Variants in MLXIPL observed in about 807,000 individuals in gnomAD.
The protein encoded by MLXIPL is MLX interacting protein like.
A neutral mutation model predicts 81.5 loss-of-function variants in MLXIPL; 49 were observed. That is an observed-to-expected ratio of 0.60 (90% CI 0.48 to 0.76). MLXIPL has a LOEUF of 0.76. Ranked by LOEUF, MLXIPL falls within the 30% of genes least tolerant of loss-of-function variation. MLXIPL has a pLI of 0.00. For missense variants in MLXIPL, 1,053 were observed against 1,167.0 expected (o/e 0.90, Z 1.42); for synonymous variants, 466 against 485.5 (o/e 0.96, Z 0.53).
chr7:73,616,037 C>T, intron 2 of MLXIPL, 34 bp downstream of exon 2: 2 of 1,583,132 alleles, frequency 1.3e-6, no homozygotes, highest in East Asian at 2.2e-5. Context: ...GGGGCAGTCC[C>T]TCCCGGCTTG....
chr7:73,628,815 C>T (rs1796792694), upstream of MLXIPL, among the ~76,000 whole-genome samples: 1 of 152,172 alleles, frequency 6.6e-6, no homozygotes, highest in South Asian at 2.1e-4. Flanking sequence ...TGTTCATGGT[C>T]CATGGAGATG....
the MLXIPL span, among the ~76,000 whole-genome samples, chr7:73,641,877 G>A: frequency 1.3e-5 from 2 of 152,028 alleles, no homozygotes; most frequent in East Asian, 1.9e-4. Context: ...CTCATGATCC[G>A]CCCACCTCAG....
chr7:73,633,550 C>T, the MLXIPL span, among the ~76,000 whole-genome samples: 1 of 152,042 alleles, frequency 6.6e-6, no homozygotes, highest in African/African-American at 2.4e-5. Flanking sequence ...TTGACCTGGG[C>T]TCCAGCCATC....
At position 73,616,267 on chromosome 7, in the gene MLXIPL, A is replaced by G. The variant is rs564452762; in HGVS notation, c.294-90T>C. On this transcript the variant is annotated intron_variant, in intron 1 of 16. Transcript: ENST00000313375. ...TTCCCCATGCACTAGGCATCCATCT[A>G]TGGTTGGCATTTGAGGGGCCCCTCC... The G allele has an allele frequency of 5.9e-6, 7 of 1,186,874 alleles. No individual in the cohort carries two copies. The African/African-American group carries it at 6.0e-5, about 10-fold the overall frequency. The allele number at this position is 1,186,874 out of a possible 1,614,324, so 73.5% of individuals were successfully genotyped here.
chr7:73,602,322 T>G (rs1472729879), intron 7 of MLXIPL, among the ~76,000 whole-genome samples: 10 of 150,268 alleles, frequency 6.7e-5, no homozygotes, highest in Non-Finnish European at 3.0e-5. Context: ...ACAATTCTCC[T>G]TGCCTCAGCC....
chr7:73,605,666 C>T (rs186101760), intron 7 of MLXIPL, 22 bp downstream of exon 7: 2 of 1,612,704 alleles, frequency 1.2e-6, no homozygotes, highest in South Asian at 1.1e-5. Context: ...GTCCACCCGA[C>T]CTGGGGAGGG....
chr7:73,614,877 C>T (rs72649044), intron 2 of MLXIPL, among the ~76,000 whole-genome samples: 3,178 of 145,088 alleles, frequency 0.022, 40 homozygotes, highest in Middle Eastern at 0.035. Flanking sequence ...GCGGCGCGAT[C>T]TCAGCTCACT....
At chr7:73,630,285 CTTTTTTTT>C in the MLXIPL span, among the ~76,000 whole-genome samples, 1 of 97,874 alleles carries the variant, frequency 1.0e-5, no homozygotes, top group African/African-American at 4.2e-5. Flanking sequence ...GCCAGCTTGT[CTTTTTTTT>C]TTTTTTTTTT....
the MLXIPL span, among the ~76,000 whole-genome samples, chr7:73,633,514 G>T: frequency 6.6e-6 from 1 of 152,058 alleles, no homozygotes; most frequent in East Asian, 1.9e-4. Context: ...TGGAGACAGG[G>T]TTTCGTCATG....
rs950868780 is a variant in MLXIPL at position 73,623,995 on chromosome 7, C to T, written c.293+205G>A. On this transcript the variant is annotated intron_variant, in intron 1 of 16. Coordinates refer to ENST00000313375, the MANE Select transcript of MLXIPL (RefSeq NM_032951.3). The surrounding 1 kb of genome is among the most constrained non-coding windows in gnomAD (Gnocchi z 5.7). ...GAATGGGAATCAGAAATGCGTGGGT[C>T]CGTCAGGGGCCAGCGGGCTGGGCCG... 3.3e-5 allele frequency among the ~76,000 whole-genome samples: 5 copies of T among 151,934 alleles called. No homozygotes were observed. Among genetic ancestry groups the T allele is most frequent in the African/African-American group, 1.2e-4 (5 of 41,352 alleles).
upstream of MLXIPL, among the ~76,000 whole-genome samples, chr7:73,625,130 G>GCGGAGATC (rs1796662587): frequency 6.6e-6 from 1 of 152,182 alleles, no homozygotes; most frequent in African/African-American, 2.4e-5. Context: ...GCTGCAGTGA[G>GCGGAGATC]CGGAGATCGC....
chr7:73,600,733 C>T lies in MLXIPL; in HGVS notation c.902-1038G>A, dbSNP rs1390496503. ...GGGTGGGCTCTGAGTGGGGTGGGGG[C>T]GAGAGGGGCCTAAGGGTGGGCTCTG... On this transcript the variant is annotated intron_variant, in intron 7 of 16. Transcript: ENST00000313375. 3.1e-4 allele frequency among the ~76,000 whole-genome samples: 4 copies of T among 12,944 alleles called. No individual in the cohort carries two copies. The Admixed American group carries it at 4.4e-3, about 14-fold the overall frequency. 8.5% of individuals were successfully genotyped at this position (12,944 alleles called of 152,430 possible). A position where few individuals can be genotyped will look rare whatever the true frequency, so the allele number is the denominator to read the frequency against.
Position 73,593,783 on chromosome 7 carries a change from T to C in MLXIPL, c.*82A>G, listed in dbSNP as rs555729695. On this transcript the variant is annotated 3_prime_UTR_variant, in exon 17 of 17. Transcript: ENST00000313375. ...GCCAGGGCCTGGGGCAGGAAGGGAG[T>C]GCCCAGAGATGATCCCTGGAGCCCG... 25 of 1,213,210 alleles carry C rather than the reference T, an allele frequency of 2.1e-5. No individual in the cohort carries two copies. In the East Asian group the frequency reaches 5.4e-4, roughly 26 times the overall value. The allele number at this position is 1,213,210 out of a possible 1,614,324, so 75.2% of individuals were successfully genotyped here. A position where few individuals can be genotyped will look rare whatever the true frequency, so the allele number is the denominator to read the frequency against.
At chr7:73,594,537 G>T in intron 15 of MLXIPL, 134 bp from the exon 16 acceptor site, 1 of 1,106,676 alleles carries the variant, frequency 9.0e-7, no homozygotes, top group African/African-American at 1.6e-5. Flanking sequence ...GACTCATGTT[G>T]CAGCCCCTAC....
chr7:73,596,839 C>T lies in MLXIPL; in HGVS notation c.1671+26G>A. The T allele has an allele frequency of 6.2e-7, 1 of 1,609,218 alleles. No homozygotes were observed. Among genetic ancestry groups the T allele is most frequent in the Non-Finnish European group, 8.5e-7 (1 of 1,178,636 alleles). ...CGGGTTGAAGGCCGTGGGCACAGCC[C>T]CACCGCCCAGTGCCCGAGATCTTAC... On this transcript the variant is annotated intron_variant, in intron 10 of 16. Coordinates refer to ENST00000313375, the MANE Select transcript of MLXIPL (RefSeq NM_032951.3). The surrounding 1 kb of genome is among the most constrained non-coding windows in gnomAD (Gnocchi z 4.7).
chr7:73,632,748 T>G, the MLXIPL span, among the ~76,000 whole-genome samples: 2 of 40,446 alleles, frequency 4.9e-5, no homozygotes, highest in African/African-American at 1.4e-4. Flanking sequence ...CCTTCTTTCC[T>G]TCCTTCCTTC....
Position 73,624,482 on chromosome 7 carries a change from G to A in MLXIPL, c.11C>T (p.Ala4Val). 4 of 1,528,608 alleles carry A rather than the reference G, an allele frequency of 2.6e-6. No homozygotes were observed. Among genetic ancestry groups the A allele is most frequent in the Non-Finnish European group, 3.5e-6 (4 of 1,144,466 alleles). 94.7% of individuals were successfully genotyped at this position (1,528,608 alleles called of 1,614,324 possible). A position where few individuals can be genotyped will look rare whatever the true frequency, so the allele number is the denominator to read the frequency against. MAG[A>V]LAGLAAGLQV... The stretch of plus-strand genomic sequence containing the variant: ...CAAGCCCGCGGCCAGACCTGCCAGC[G>A]CGCCGGCCATGGCTGTCGCCGCCGC... The change falls in exon 1 of 17, where the codon GCG becomes GTG. Residue 4 changes from alanine (A) to valine (V), a missense_variant. Physicochemically the swap from Ala to Val is moderately conservative, Grantham distance 64 (BLOSUM62 0). Coordinates refer to ENST00000313375, the MANE Select transcript of MLXIPL (RefSeq NM_032951.3).
At chr7:73,630,952 G>A in the MLXIPL span, among the ~76,000 whole-genome samples, 3 of 152,080 alleles carry the variant, frequency 2.0e-5, no homozygotes, top group African/African-American at 7.2e-5. Flanking sequence ...GAGATGCCCC[G>A]GATGCCTATC....
intron 2 of MLXIPL, 30 bp from the exon 3 acceptor site, chr7:73,607,702 C>T (rs1554598816): frequency 1.3e-6 from 2 of 1,596,760 alleles, no homozygotes. Flanking sequence ...TCAGGGGCAC[C>T]CAGCTTCCTC....
Sources: gnomAD v4.1 joint callset for allele counts (sites outside exome capture counted in the v4.1 genomes callset) on GRCh38, gnomAD v4.1.1 for gene constraint, Gnocchi (gnomAD v3.1) non-coding constraint, MANE v1.5 for transcripts, NCBI Gene and HGNC (gene_info 2026-07-23, HGNC 2026-07-21) for gene names.